The following SLC24A2 variants were observed in gnomAD, a reference collection of about 807,000 sequenced individuals.
SLC24A2 encodes the protein sodium/potassium/calcium exchanger 2.
In SLC24A2, 36 loss-of-function variants were observed where a neutral mutation model predicts 62.0. That is an observed-to-expected ratio of 0.58 (90% CI 0.44 to 0.77). SLC24A2 has a LOEUF of 0.77. Ranked by LOEUF, SLC24A2 falls within the 30% of genes least tolerant of loss-of-function variation. The pLI, the probability that SLC24A2 is intolerant of heterozygous loss-of-function variation, is 0.00. For missense variants in SLC24A2, 846 were observed against 817.9 expected (o/e 1.03, Z -0.42); for synonymous variants, 358 against 294.0 (o/e 1.22, Z -2.23).
chr9:20,210,396 A>G, the SLC24A2 span, among the ~76,000 whole-genome samples: 1 of 152,228 alleles, frequency 6.6e-6, no homozygotes, highest in Non-Finnish European at 1.5e-5. Flanking sequence ...AGCAGTGACA[A>G]AAGACAAACA....
At chr9:20,144,187 ACT>A in the SLC24A2 span, among the ~76,000 whole-genome samples, 2 of 152,092 alleles carry the variant, frequency 1.3e-5, no homozygotes, top group Non-Finnish European at 2.9e-5. Context: ...TGAAAACCCA[ACT>A]CTCTGAGGCT....
At chr9:20,290,952 A>T in the SLC24A2 span, among the ~76,000 whole-genome samples, 1 of 152,148 alleles carries the variant, frequency 6.6e-6, no homozygotes, top group Non-Finnish European at 1.5e-5. Flanking sequence ...GAATTTTTTA[A>T]AAGTTGGAGC....
the SLC24A2 span, among the ~76,000 whole-genome samples, chr9:19,881,651 T>A: frequency 1.3e-5 from 2 of 152,202 alleles, no homozygotes; most frequent in African/African-American, 4.8e-5. Flanking sequence ...CACACTTATT[T>A]AGTGGAATGT....
chr9:19,987,581 G>T, the SLC24A2 span, among the ~76,000 whole-genome samples: 1 of 152,114 alleles, frequency 6.6e-6, no homozygotes. Flanking sequence ...CTTCACCACT[G>T]ACGGCAGCAT....
chr9:20,103,148 G>A, the SLC24A2 span, among the ~76,000 whole-genome samples: 3 of 152,188 alleles, frequency 2.0e-5, no homozygotes, highest in Non-Finnish European at 4.4e-5. Context: ...CTGAGGGAGG[G>A]GCACCCACCA....
chr9:19,933,391 T>C, the SLC24A2 span, among the ~76,000 whole-genome samples: 157 of 152,346 alleles, frequency 1.0e-3, 2 homozygotes, highest in East Asian at 0.028. Flanking sequence ...TAAATCCCAC[T>C]TGTATTGCTC....
At chr9:19,985,873 T>C in the SLC24A2 span, among the ~76,000 whole-genome samples, 1 of 152,170 alleles carries the variant, frequency 6.6e-6, no homozygotes, top group Non-Finnish European at 1.5e-5. Flanking sequence ...GGCAACAGAT[T>C]GTTGAATTTA....
the SLC24A2 span, among the ~76,000 whole-genome samples, chr9:20,301,430 C>T: frequency 2.6e-4 from 39 of 152,206 alleles, no homozygotes; most frequent in African/African-American, 7.2e-4. Flanking sequence ...CATGACTTTG[C>T]TGCATTTCTC....
At chr9:19,624,959 T>C (rs1587055853) in intron 2 of SLC24A2, among the ~76,000 whole-genome samples, 1 of 152,008 alleles carries the variant, frequency 6.6e-6, no homozygotes, top group Non-Finnish European at 1.5e-5. Flanking sequence ...TTTAAAGGGG[T>C]TTAATTACAC....
At chr9:19,568,279 G>A (rs1835736617) in intron 7 of SLC24A2, among the ~76,000 whole-genome samples, 1 of 152,096 alleles carries the variant, frequency 6.6e-6, no homozygotes, top group South Asian at 2.1e-4. Flanking sequence ...TTTCCAGCCT[G>A]GAAACCTCAG....
the SLC24A2 span, among the ~76,000 whole-genome samples, chr9:20,050,427 T>G: frequency 6.6e-6 from 1 of 151,704 alleles, no homozygotes; most frequent in Middle Eastern, 3.2e-3. Flanking sequence ...AATAAATAAA[T>G]AAAGCCATCC....
the SLC24A2 span, among the ~76,000 whole-genome samples, chr9:20,235,201 T>C: frequency 0.13 from 19,201 of 152,292 alleles, 1,294 homozygotes; most frequent in Middle Eastern, 0.19. Flanking sequence ...GCAGTCTGCC[T>C]GTTCTCAGAT....
the SLC24A2 span, among the ~76,000 whole-genome samples, chr9:20,172,916 T>C: frequency 2.5e-4 from 38 of 152,002 alleles, no homozygotes; most frequent in African/African-American, 8.2e-4. Context: ...TTAATGAACA[T>C]ATATACAAAA....
At chr9:19,905,125 G>C in the SLC24A2 span, among the ~76,000 whole-genome samples, 1 of 152,262 alleles carries the variant, frequency 6.6e-6, no homozygotes, top group South Asian at 2.1e-4. Context: ...TTGATGCTTA[G>C]AGAGGTGTCA....
chr9:19,545,180 C>A (rs1344771090), intron 8 of SLC24A2, among the ~76,000 whole-genome samples: 2 of 151,932 alleles, frequency 1.3e-5, no homozygotes, highest in Non-Finnish European at 2.9e-5. Context: ...TTAAGTTGAT[C>A]TTCACTTTCT....
chr9:20,056,212 T>A, the SLC24A2 span, among the ~76,000 whole-genome samples: 2 of 152,196 alleles, frequency 1.3e-5, no homozygotes, highest in African/African-American at 2.4e-5. Context: ...AAAGGCAAAT[T>A]GAGCACTGTG....
intron 2 of SLC24A2, among the ~76,000 whole-genome samples, chr9:19,731,324 C>T (rs887673068): frequency 2.6e-5 from 4 of 152,174 alleles, no homozygotes; most frequent in Admixed American, 6.5e-5. Flanking sequence ...ATGCTATGGA[C>T]TGAATGTTTG....
rs370978934 is a variant in SLC24A2 at position 19,541,854 on chromosome 9, C to T, written c.1479+8283G>A. Among the ~76,000 whole-genome samples, 13 of 151,680 alleles carry T rather than the reference C, an allele frequency of 8.6e-5. No individual in the cohort carries two copies. The East Asian group carries it at 9.7e-4, about 11-fold the overall frequency. On this transcript the variant is annotated intron_variant, in intron 8 of 10. Transcript: ENST00000341998. ...CTCAGACTGCTGTGCTAGCAATCAGCGAGATTCCGTGGGCGTAGGACCCTC... is the reference window on the plus strand; with the variant it reads ...CTCAGACTGCTGTGCTAGCAATCAGTGAGATTCCGTGGGCGTAGGACCCTC...
the SLC24A2 span, among the ~76,000 whole-genome samples, chr9:20,142,193 G>A: frequency 6.6e-6 from 1 of 152,022 alleles, no homozygotes; most frequent in Admixed American, 6.5e-5. Context: ...CAGATTAAAG[G>A]CTCTTCGAAG....
Sources: gnomAD v4.1 joint callset for allele counts (sites outside exome capture counted in the v4.1 genomes callset) on GRCh38, gnomAD v4.1.1 for gene constraint, MANE v1.5 for transcripts, NCBI Gene and HGNC (gene_info 2026-07-23, HGNC 2026-07-21) for gene names.